CHD9: variants seen among roughly 807,000 people sequenced by gnomAD.
CHD9 encodes ATP-dependent chromatin remodeler CHD9.
In CHD9, 77 loss-of-function variants were observed where a neutral mutation model predicts 316.1. The ratio of observed to expected loss-of-function variants is 0.24; its 90% CI spans 0.20 to 0.29. CHD9 has a LOEUF of 0.29. CHD9 is among the 10% of genes least tolerant of loss of function. The pLI, the probability that CHD9 is intolerant of heterozygous loss-of-function variation, is 1.00. For missense variants in CHD9, 2,763 were observed against 3,438.1 expected (o/e 0.80, Z 4.91); for synonymous variants, 1,129 against 1,158.3 (o/e 0.97, Z 0.51).
At chr16:53,161,303 A>G (rs977617475) in intron 2 of CHD9, among the ~76,000 whole-genome samples, 11 of 152,226 alleles carry the variant, frequency 7.2e-5, no homozygotes, top group African/African-American at 2.7e-4. Context: ...AAATGATTTA[A>G]TATGTGGAAT....
intron 24 of CHD9, among the ~76,000 whole-genome samples, chr16:53,278,852 G>A (rs2053128981): frequency 6.6e-6 from 1 of 152,080 alleles, no homozygotes; most frequent in Admixed American, 6.5e-5. Flanking sequence ...TAAAAAGTCA[G>A]GAAACAACAG....
intron 13 of CHD9, 38 bp downstream of exon 13, chr16:53,243,054 T>C: frequency 1.4e-6 from 2 of 1,433,038 alleles, no homozygotes; most frequent in Admixed American, 3.6e-5. Flanking sequence ...CAATTGAGTT[T>C]ATTAGATGTA....
chr16:53,250,034 G>T lies in CHD9; in HGVS notation c.3829G>T (p.Asp1277Tyr). 2 of 1,612,656 alleles carry T rather than the reference G, an allele frequency of 1.2e-6. No individual in the cohort carries two copies. The highest frequency in any genetic ancestry group is 1.7e-6 in the Non-Finnish European group (2 of 1,179,330). Reference sequence around the variant, plus strand: ...TGCAGCTGATACATGTATAATTTTTGATTCTGATTGGAATCCTCAGAATGA... The same window carrying T: ...TGCAGCTGATACATGTATAATTTTTTATTCTGATTGGAATCCTCAGAATGA... ...LTAADTCIIF[D>Y]SDWNPQNDLQ... Residue 1277 changes from aspartate to tyrosine, a missense_variant, in exon 17 of 39, where the codon GAT (aspartate) becomes TAT (tyrosine). By Grantham distance (160) the Asp-to-Tyr change is radical. Coordinates refer to ENST00000447540, the MANE Select transcript of CHD9 (RefSeq NM_001308319.2).
intron 29 of CHD9, 150 bp from the exon 30 acceptor site, chr16:53,296,806 A>G: frequency 1.7e-6 from 1 of 576,610 alleles, no homozygotes; most frequent in Non-Finnish European, 3.0e-6. Context: ...CTAGCATTTA[A>G]AAATGTTTTA....
At chr16:53,114,144 TAAC>T (rs2038087629) in intron 1 of CHD9, among the ~76,000 whole-genome samples, 1 of 152,068 alleles carries the variant, frequency 6.6e-6, no homozygotes, top group Admixed American at 6.6e-5. Context: ...GAGTTTGCCA[TAAC>T]AAAAACATAT....
At chr16:53,277,010 G>GATGCAT (rs1423067999) in intron 24 of CHD9, among the ~76,000 whole-genome samples, 1 of 152,102 alleles carries the variant, frequency 6.6e-6, no homozygotes. Flanking sequence ...ACCTAGAGGA[G>GATGCAT]ATGCATGAAT....
chr16:53,226,337 A>T (rs758369655), intron 4 of CHD9, 29 bp from the exon 5 acceptor site: 1 of 1,448,528 alleles, frequency 6.9e-7, no homozygotes, highest in African/African-American at 1.5e-5. Context: ...AATAAATTAT[A>T]TAAATCTGAT....
At chr16:53,091,009 C>G (rs375755701) in intron 1 of CHD9, among the ~76,000 whole-genome samples, 26 of 151,790 alleles carry the variant, frequency 1.7e-4, no homozygotes, top group African/African-American at 3.9e-4. Flanking sequence ...TCACCCCCCC[C>G]CGACTGACCG....
At chr16:53,274,866 A>G (rs1294444566) in intron 24 of CHD9, among the ~76,000 whole-genome samples, 2 of 152,166 alleles carry the variant, frequency 1.3e-5, no homozygotes, top group African/African-American at 4.8e-5. Flanking sequence ...AAAATCCATG[A>G]AACTTAAGGA....
At chr16:53,256,662 C>G (rs893270235) in intron 19 of CHD9, among the ~76,000 whole-genome samples, 8 of 142,612 alleles carry the variant, frequency 5.6e-5, no homozygotes, top group African/African-American at 2.1e-4. Flanking sequence ...TTTTTTTTTT[C>G]CAAATCAAGA....
chr16:53,291,661 T>A (rs937262878), intron 27 of CHD9, 64 bp from the exon 28 acceptor site: 2 of 1,116,872 alleles, frequency 1.8e-6, no homozygotes, highest in African/African-American at 1.6e-5. Context: ...TTGATTCTCT[T>A]TTCTTTTTTT....
At chr16:53,077,346 T>TG (rs879709882) in intron 1 of CHD9, among the ~76,000 whole-genome samples, 4 of 151,572 alleles carry the variant, frequency 2.6e-5, no homozygotes, top group Non-Finnish European at 5.9e-5. Context: ...TTGTTTGAGA[T>TG]GGGGTCTCGC....
chr16:53,146,415 G>GTATA (rs149684203), intron 1 of CHD9, among the ~76,000 whole-genome samples: 1 of 64,476 alleles, frequency 1.6e-5, no homozygotes, highest in Admixed American at 2.1e-4. Flanking sequence ...GTGTGTGTGT[G>GTATA]TATGTATATA....
chr16:53,180,357 A>G (rs2043407797), intron 2 of CHD9, among the ~76,000 whole-genome samples: 1 of 152,132 alleles, frequency 6.6e-6, no homozygotes, highest in African/African-American at 2.4e-5. Flanking sequence ...TTCTGGGAAA[A>G]TGTTGGTTAA....
intron 29 of CHD9, among the ~76,000 whole-genome samples, chr16:53,296,290 T>C (rs2153062806): frequency 6.6e-6 from 1 of 152,326 alleles, no homozygotes; most frequent in African/African-American, 2.4e-5. Context: ...TCTTACATGA[T>C]TTTGTATCCT....
intron 8 of CHD9, among the ~76,000 whole-genome samples, chr16:53,230,439 T>C (rs2048068626): frequency 6.6e-6 from 1 of 152,156 alleles, no homozygotes; most frequent in Non-Finnish European, 1.5e-5. Context: ...GGCCAACATA[T>C]GAGACCTCCA....
intron 1 of CHD9, among the ~76,000 whole-genome samples, chr16:53,078,590 T>A (rs542444093): frequency 6.6e-6 from 1 of 152,206 alleles, no homozygotes; most frequent in African/African-American, 2.4e-5. Context: ...TTTGATCATG[T>A]CTACTTTTTT....
intron 1 of CHD9, among the ~76,000 whole-genome samples, chr16:53,061,860 G>A (rs4985188): frequency 1.3e-5 from 2 of 152,124 alleles, no homozygotes; most frequent in Non-Finnish European, 2.9e-5. Flanking sequence ...CTCCAACAAA[G>A]TGTTTCTGAC....
chr16:53,212,279 CCTGTAGTGCCAGCTACTCGGGAGG>C (rs2046391851), intron 3 of CHD9, among the ~76,000 whole-genome samples: 1 of 151,884 alleles, frequency 6.6e-6, no homozygotes, highest in African/African-American at 2.4e-5. Context: ...GTGGTGGGCA[CCTGTAGTGCCAGCTACTCGGGAGG>C]CTGAGGCAGG....
Sources: allele counts gnomAD v4.1 joint callset (sites outside exome capture counted in the v4.1 genomes callset), GRCh38; gene constraint gnomAD v4.1.1; transcripts MANE v1.5; gene names NCBI Gene and HGNC (gene_info 2026-07-23, HGNC 2026-07-21).